PCDHGA1: variants seen among roughly 807,000 people sequenced by gnomAD.
PCDHGA1 encodes the protein protocadherin gamma subfamily A, 1, also known as protocadherin gamma-A1.
PCDHGA1 carries 32 observed loss-of-function variants against 58.0 expected under a neutral mutation model. The ratio of observed to expected loss-of-function variants is 0.55; its 90% confidence interval spans 0.42 to 0.74. The LOEUF (loss-of-function observed/expected upper bound fraction) is 0.74. PCDHGA1 is among the 30% of genes least tolerant of loss of function. The pLI is 0.00. For missense variants in PCDHGA1, 1,205 were observed against 1,182.3 expected (o/e 1.02, Z -0.28); for synonymous variants, 498 against 501.1 (o/e 0.99, Z 0.08).
At chr5:141,366,701 C>T (rs1764751877) in intron 1 of PCDHGA1, 2 of 1,614,262 alleles carry the variant, frequency 1.2e-6, no homozygotes, top group Non-Finnish European at 1.7e-6. Flanking sequence ...AAGCGAGCCT[C>T]TTCTGATGTC....
At chr5:141,479,964 A>G (rs188553800) in intron 1 of PCDHGA1, among the ~76,000 whole-genome samples, 1 of 152,330 alleles carries the variant, frequency 6.6e-6, no homozygotes, top group East Asian at 1.9e-4. Context: ...AGTTAGTCAA[A>G]TGAGGTTCTA....
chr5:141,412,285 C>T (rs957716949), intron 1 of PCDHGA1: 3 of 152,194 alleles, frequency 2.0e-5, no homozygotes, highest in Non-Finnish European at 4.4e-5. Context: ...TCAAATTCTA[C>T]GTATTTCTTT....
Position 141,418,036 on chromosome 5 carries a change from G to C in PCDHGA1, c.2422-76771G>C, listed in dbSNP as rs933500300. ...CTAAGGATCTAGGGCTTAGTGTCCT[G>C]GATGTGTCGGCTCGCGAGCTGCGAG... On this transcript the variant is annotated intron_variant, in intron 1 of 3. Coordinates refer to ENST00000517417, the MANE Select transcript of PCDHGA1 (RefSeq NM_018912.3). 3.7e-6 allele frequency: 6 copies of C among 1,613,902 alleles called. No individual in the cohort carries two copies. The African/African-American group carries it at 8.0e-5, about 22-fold the overall frequency.
At chr5:141,443,344 G>T (rs1016738767) in intron 1 of PCDHGA1, among the ~76,000 whole-genome samples, 2 of 151,966 alleles carry the variant, frequency 1.3e-5, no homozygotes, top group African/African-American at 2.4e-5. Context: ...AATTAACAAG[G>T]TTTAGTGGTC....
chr5:141,448,338 T>A (rs1053822287), intron 1 of PCDHGA1, among the ~76,000 whole-genome samples: 1 of 152,192 alleles, frequency 6.6e-6, no homozygotes, highest in African/African-American at 2.4e-5. Context: ...TATAGCCATG[T>A]ACCTCAATCT....
chr5:141,370,484 C>G (rs750551260), intron 1 of PCDHGA1: 1 of 1,613,866 alleles, frequency 6.2e-7, no homozygotes, highest in African/African-American at 1.3e-5. Context: ...AGGCTCTCTC[C>G]GAACCGATCC....
chr5:141,415,387 G>A (rs1347191224), intron 1 of PCDHGA1: 2 of 1,614,168 alleles, frequency 1.2e-6, no homozygotes. Context: ...CGGCTTGACA[G>A]GTGTGTCCGG....
chr5:141,414,686 C>G, intron 1 of PCDHGA1: 4 of 1,614,042 alleles, frequency 2.5e-6, no homozygotes, highest in Non-Finnish European at 3.4e-6. Flanking sequence ...CAGGGGGTAC[C>G]TCTGTCCTCA....
intron 1 of PCDHGA1, chr5:141,413,770 G>A: frequency 6.2e-7 from 1 of 1,612,708 alleles, no homozygotes; most frequent in Non-Finnish European, 8.5e-7. Context: ...CCCGGAGCTG[G>A]TACTGGAGCA....
chr5:141,403,592 G>A (rs779516418), intron 1 of PCDHGA1: 1 of 1,613,850 alleles, frequency 6.2e-7, no homozygotes, highest in Non-Finnish European at 8.5e-7. Flanking sequence ...GGTCCTCACG[G>A]CCTCGGATGG....
intron 1 of PCDHGA1, among the ~76,000 whole-genome samples, chr5:141,347,718 C>T (rs1370816612): frequency 6.0e-5 from 9 of 149,548 alleles, no homozygotes; most frequent in Non-Finnish European, 1.0e-4. Context: ...ACCCAGGAGG[C>T]AGAAGTTGCA....
In PCDHGA1 at chr5:141,330,813, C is replaced by A. The variant is rs1411139425; in HGVS notation, c.129C>A (p.Ser43=). 3 of 1,614,204 alleles carry A rather than the reference C, an allele frequency of 1.9e-6. No homozygotes were observed. In the Admixed American group the frequency reaches 5.0e-5, roughly 27 times the overall value. Residue 43 remains serine, a synonymous_variant, in exon 1 of 4, where the codon TCC becomes TCA. Coordinates refer to ENST00000517417, the MANE Select transcript of PCDHGA1 (RefSeq NM_018912.3). ...TGCCGGAAGAGACAGACAAAGGTTCCTTCGTAGGCAACATCGCCAAGGACC... is the reference window on the plus strand; with the variant it reads ...TGCCGGAAGAGACAGACAAAGGTTCATTCGTAGGCAACATCGCCAAGGACC... ...YSVPEETDKG[S]FVGNIAKDLG...
intron 1 of PCDHGA1, among the ~76,000 whole-genome samples, chr5:141,473,195 C>G (rs1053769499): frequency 6.6e-6 from 1 of 152,104 alleles, no homozygotes; most frequent in Non-Finnish European, 1.5e-5. Flanking sequence ...GTAAATGTAT[C>G]TTCTAAAAAA....
intron 1 of PCDHGA1, chr5:141,395,534 G>T: frequency 8.7e-6 from 3 of 344,098 alleles, no homozygotes; most frequent in East Asian, 5.8e-5. Context: ...TGGTAATTTT[G>T]CTATTGTTTG....
At chr5:141,415,853 G>C (rs2154546169) in intron 1 of PCDHGA1, 1 of 1,186,350 alleles carries the variant, frequency 8.4e-7, no homozygotes, top group Admixed American at 4.0e-5. Context: ...GCAGAACCTT[G>C]TAGTTTATAG....
intron 1 of PCDHGA1, among the ~76,000 whole-genome samples, chr5:141,438,771 C>T (rs1056879944): frequency 1.3e-5 from 2 of 149,126 alleles, no homozygotes; most frequent in Non-Finnish European, 3.0e-5. Flanking sequence ...AAGCGATTCT[C>T]CTGCCTCAGC....
intron 1 of PCDHGA1, chr5:141,375,976 C>T: frequency 6.2e-7 from 1 of 1,613,390 alleles, no homozygotes; most frequent in South Asian, 1.1e-5. Context: ...CGGCGCGCGC[C>T]CTGCTGGACA....
At chr5:141,435,067 T>C (rs1381741674) in intron 1 of PCDHGA1, among the ~76,000 whole-genome samples, 1 of 152,168 alleles carries the variant, frequency 6.6e-6, no homozygotes, top group African/African-American at 2.4e-5. Flanking sequence ...CAGTTTTGTG[T>C]AGACCGTCTG....
chr5:141,483,648 TTGTGTGTGTGTGTG>T (rs111458813), intron 1 of PCDHGA1, among the ~76,000 whole-genome samples: 1 of 149,592 alleles, frequency 6.7e-6, no homozygotes, highest in Non-Finnish European at 1.5e-5. Flanking sequence ...GGGTGTGTGT[TTGTGTGTGTGTGTG>T]TGTGTGTAAA....
Sources: gnomAD v4.1 joint callset for allele counts (sites outside exome capture counted in the v4.1 genomes callset) on GRCh38, gnomAD v4.1.1 for gene constraint, MANE v1.5 for transcripts, NCBI Gene and HGNC (gene_info 2026-07-23, HGNC 2026-07-21) for gene names.